C1orf21: variants seen among roughly 807,000 people sequenced by gnomAD.
C1orf21 encodes uncharacterized protein C1orf21.
A neutral mutation model predicts 18.7 loss-of-function variants in C1orf21; 3 were observed. That is an observed-to-expected ratio of 0.16 (90% CI 0.07 to 0.42). The LOEUF is 0.42. Among genes scored for constraint, C1orf21 ranks in the 10% least tolerant of loss-of-function variants. C1orf21 has a pLI of 0.99. For synonymous variants in C1orf21, 41 were observed against 46.4 expected (o/e 0.88, Z 0.47); for missense variants, 104 against 143.6 (o/e 0.72, Z 1.41).
intron 3 of C1orf21, among the ~76,000 whole-genome samples, chr1:184,569,245 G>A (rs1659077452): frequency 6.6e-6 from 1 of 152,216 alleles, no homozygotes; most frequent in Non-Finnish European, 1.5e-5. Context: ...AGGAACTGGA[G>A]TTGTTCCAGT....
intron 1 of C1orf21, among the ~76,000 whole-genome samples, chr1:184,391,683 G>A (rs964922456): frequency 6.6e-6 from 1 of 152,024 alleles, no homozygotes. Context: ...TACCAAGCAT[G>A]ATGTCCTCTC....
intron 1 of C1orf21, among the ~76,000 whole-genome samples, chr1:184,438,975 C>T (rs1329527562): frequency 6.6e-6 from 1 of 152,150 alleles, no homozygotes; most frequent in Non-Finnish European, 1.5e-5. Flanking sequence ...CTTTAGGAGG[C>T]CAAGGCAGGT....
At chr1:184,598,541 G>C (rs977432499) in intron 5 of C1orf21, 80 bp downstream of exon 5, 1 of 1,302,180 alleles carries the variant, frequency 7.7e-7, no homozygotes, top group African/African-American at 1.5e-5. Flanking sequence ...TAACATTCTT[G>C]TTTCTATGTC....
Position 184,552,586 on chromosome 1 carries a change from G to A in C1orf21, c.190-38153G>A, listed in dbSNP as rs1046458945. Among the ~76,000 whole-genome samples, 6 of 152,082 alleles carry A rather than the reference G, an allele frequency of 3.9e-5. No individual in the cohort carries two copies. The East Asian group carries it at 1.2e-3, about 29-fold the overall frequency. ...GAGGGAAATCAAAGAGATGTACAAA[G>A]ATGGTTACTACAGCTTTATTTGTCA... On this transcript the variant is annotated intron_variant, in intron 3 of 5. Transcript: ENST00000235307.
chr1:184,545,434 T>C (rs1396538809), intron 3 of C1orf21, among the ~76,000 whole-genome samples: 3 of 152,212 alleles, frequency 2.0e-5, no homozygotes, highest in Non-Finnish European at 4.4e-5. Flanking sequence ...TATATTTTTT[T>C]TTCTAGAATG....
At chr1:184,549,608 T>G (rs1465069048) in intron 3 of C1orf21, among the ~76,000 whole-genome samples, 1 of 146,304 alleles carries the variant, frequency 6.8e-6, no homozygotes. Context: ...ATCTTTTGAG[T>G]TTTTTTTTTC....
At chr1:184,546,913 C>T (rs1658736114) in intron 3 of C1orf21, among the ~76,000 whole-genome samples, 1 of 152,188 alleles carries the variant, frequency 6.6e-6, no homozygotes, top group South Asian at 2.1e-4. Flanking sequence ...ACTCTACACC[C>T]TGATTTAGAG....
chr1:184,463,908 TAG>T (rs377410336), intron 1 of C1orf21, among the ~76,000 whole-genome samples: 215 of 152,270 alleles, frequency 1.4e-3, no homozygotes, highest in Middle Eastern at 6.8e-3. Flanking sequence ...CAAGATTTCT[TAG>T]AGGTGATAAG....
At chr1:184,541,943 G>A (rs1272531277) in intron 3 of C1orf21, among the ~76,000 whole-genome samples, 1 of 152,190 alleles carries the variant, frequency 6.6e-6, no homozygotes, top group African/African-American at 2.4e-5. Context: ...TCCTATGACA[G>A]TTTTACAAGT....
intron 1 of C1orf21, among the ~76,000 whole-genome samples, chr1:184,431,084 A>G (rs1656755794): frequency 6.6e-6 from 1 of 152,074 alleles, no homozygotes; most frequent in Non-Finnish European, 1.5e-5. Context: ...TTGGCTGTCT[A>G]TTATTGATAT....
At chr1:184,582,472 T>C (rs1659287920) in intron 3 of C1orf21, among the ~76,000 whole-genome samples, 1 of 152,244 alleles carries the variant, frequency 6.6e-6, no homozygotes, top group Non-Finnish European at 1.5e-5. Context: ...TTATGTCTCC[T>C]CTCTGTGTAG....
intron 2 of C1orf21, among the ~76,000 whole-genome samples, chr1:184,496,079 T>C (rs1185266444): frequency 1.3e-5 from 2 of 151,956 alleles, no homozygotes; most frequent in Non-Finnish European, 2.9e-5. Flanking sequence ...GATGAGATGT[T>C]AAAGGAGTGG....
chr1:184,393,311 A>G (rs1656001509), intron 1 of C1orf21, among the ~76,000 whole-genome samples: 1 of 151,928 alleles, frequency 6.6e-6, no homozygotes, highest in African/African-American at 2.4e-5. Context: ...TTCTTCCCTC[A>G]GGGCCCCTGT....
intron 1 of C1orf21, among the ~76,000 whole-genome samples, chr1:184,460,015 C>T (rs1398825647): frequency 6.6e-6 from 1 of 152,200 alleles, no homozygotes; most frequent in Non-Finnish European, 1.5e-5. Flanking sequence ...TCTTGTTCTT[C>T]AGGGCCTTCC....
chr1:184,523,368 C>A (rs193183223), intron 3 of C1orf21, among the ~76,000 whole-genome samples: 1 of 152,140 alleles, frequency 6.6e-6, no homozygotes, highest in Admixed American at 6.5e-5. Flanking sequence ...CACCCCAAAC[C>A]TTGAGCTTCA....
At chr1:184,538,317 G>C (rs1325846949) in intron 3 of C1orf21, among the ~76,000 whole-genome samples, 4 of 152,000 alleles carry the variant, frequency 2.6e-5, no homozygotes, top group Non-Finnish European at 5.9e-5. Flanking sequence ...TTAGTTGTTT[G>C]CTTCTTTTCT....
chr1:184,588,351 T>C (rs1348590254), intron 3 of C1orf21, among the ~76,000 whole-genome samples: 2 of 152,176 alleles, frequency 1.3e-5, no homozygotes, highest in African/African-American at 2.4e-5. Context: ...TCTGATGAGA[T>C]TGATGGTGAT....
rs1292076519 is a variant in C1orf21 at position 184,575,141 on chromosome 1, A to G, written c.190-15598A>G. Among the ~76,000 whole-genome samples the G allele has an allele frequency of 5.3e-5, 8 of 152,350 alleles. No individual in the cohort carries two copies. In the East Asian group the frequency reaches 1.5e-3, roughly 29 times the overall value. On this transcript the variant is annotated intron_variant, in intron 3 of 5. Transcript: ENST00000235307. Reference sequence around the variant, plus strand: ...AAAAGGAAAGAAGGGAGAAAAAAAGAATGGCACTTAGTCTCTATTGCTAAA... The same window carrying G: ...AAAAGGAAAGAAGGGAGAAAAAAAGGATGGCACTTAGTCTCTATTGCTAAA...
chr1:184,430,604 T>G (rs1399778802), intron 1 of C1orf21, among the ~76,000 whole-genome samples: 2 of 152,212 alleles, frequency 1.3e-5, no homozygotes, highest in African/African-American at 4.8e-5. Flanking sequence ...TCTTATCTGA[T>G]AAGTTAGCTC....
Sources: allele counts gnomAD v4.1 joint callset (sites outside exome capture counted in the v4.1 genomes callset), GRCh38; gene constraint gnomAD v4.1.1; transcripts MANE v1.5; gene names NCBI Gene and HGNC (gene_info 2026-07-23, HGNC 2026-07-21).